DCBLD1: variants seen among roughly 807,000 people sequenced by gnomAD.
The protein encoded by DCBLD1 is discoidin, CUB and LCCL domain-containing protein 1.
DCBLD1 carries 57 observed loss-of-function variants against 71.5 expected under a neutral mutation model. That is an observed-to-expected ratio of 0.80 (90% CI 0.64 to 0.99). The LOEUF (loss-of-function observed/expected upper bound fraction) is 0.99, where lower values mean the gene tolerates loss of function less well. Ranked by LOEUF, DCBLD1 falls within the 50% of genes least tolerant of loss-of-function variation. DCBLD1 has a pLI of 0.00. For synonymous variants in DCBLD1, 380 were observed against 363.8 expected, an observed-to-expected ratio of 1.04 and a Z score of -0.51; for missense variants, 891 against 923.5, an observed-to-expected ratio of 0.96 and a Z score of 0.46.
At chr6:117,545,133 C>T (rs1182423600) in intron 13 of DCBLD1, among the ~76,000 whole-genome samples, 1 of 151,844 alleles carries the variant, frequency 6.6e-6, no homozygotes, top group Non-Finnish European at 1.5e-5. Context: ...ACTCCACCTC[C>T]CCAGGGTCTA....
intron 14 of DCBLD1, chr6:117,569,529 A>C: frequency 1.2e-6 from 2 of 1,603,554 alleles, no homozygotes; most frequent in Non-Finnish European, 1.7e-6. Flanking sequence ...TAGATTCATA[A>C]CCAATTGATA....
rs1349105546 is a variant in DCBLD1 at position 117,569,682 on chromosome 6, G to A, written c.*58G>A. The A allele has an allele frequency of 4.3e-6, 7 of 1,609,894 alleles. No individual in the cohort carries two copies. The South Asian group carries it at 7.8e-5, about 18-fold the overall frequency. ...TGCAGCCCTCCGCATCTATCAGCAG[G>A]TTGCCCCGGATGGATCTCAGAGATG... is the stretch of plus-strand genomic sequence containing the variant. On this transcript the variant is annotated 3_prime_UTR_variant, in exon 15 of 15. Transcript: ENST00000296955.
chr6:117,517,918 A>G (rs1389900107), intron 2 of DCBLD1, among the ~76,000 whole-genome samples: 4 of 152,172 alleles, frequency 2.6e-5, no homozygotes, highest in Non-Finnish European at 5.9e-5. Flanking sequence ...GACCTCTGAC[A>G]TGCCCTGGAG....
intron 14 of DCBLD1, among the ~76,000 whole-genome samples, chr6:117,558,447 A>AT (rs1487365836): frequency 1.2e-4 from 18 of 152,054 alleles, no homozygotes; most frequent in Admixed American, 6.6e-4. Context: ...CAATTTAATA[A>AT]TTTTTTCCAA....
chr6:117,548,066 C>T lies in DCBLD1; in HGVS notation c.1775C>T (p.Pro592Leu), dbSNP rs763829597. 240 of 1,548,838 alleles carry T rather than the reference C, an allele frequency of 1.5e-4. 2 individuals carry two copies. The Admixed American group carries it at 4.7e-3, about 30-fold the overall frequency. The change falls in exon 15 of 15, where the codon CCC (proline) becomes CTC (leucine). Residue 592 changes from proline to leucine, a missense_variant. Transcript: ENST00000338728. ...QRAGRHEYALPLAPPEPEYAT... is the reference protein window; with the variant it reads ...QRAGRHEYALLLAPPEPEYAT... The stretch of plus-strand genomic sequence containing the variant: ...GCCGGCCGCCACGAGTACGCGCTGC[C>T]CCTGGCGCCCCCGGAGCCCGAGTAC...
intron 7 of DCBLD1, among the ~76,000 whole-genome samples, chr6:117,538,035 G>A (rs9374668): frequency 0.12 from 18,051 of 152,186 alleles, 1,333 homozygotes; most frequent in East Asian, 0.22. Flanking sequence ...ATCATGGAAT[G>A]TATTCTATGT....
intron 1 of DCBLD1, among the ~76,000 whole-genome samples, chr6:117,499,372 AT>A (rs1464939456): frequency 6.6e-6 from 1 of 151,766 alleles, no homozygotes; most frequent in Non-Finnish European, 1.5e-5. Flanking sequence ...GTGCCACTGT[AT>A]TCCAGCCTGG....
Position 117,566,865 on chromosome 6 carries a change from T to G in DCBLD1, c.1616-2755T>G, listed in dbSNP as rs777824881. On this transcript the variant is annotated intron_variant, in intron 14 of 14. Coordinates refer to the DCBLD1 transcript ENST00000296955. ...AGAGTGATTTTTACCTTGTAATACT[T>G]TGATTTCCCCACTTGTGTCTTTGCA... is the stretch of plus-strand genomic sequence containing the variant. 3 of 1,569,276 alleles carry G rather than the reference T, an allele frequency of 1.9e-6. No individual in the cohort carries two copies. In the African/African-American group the frequency reaches 4.1e-5, roughly 21 times the overall value.
At chr6:117,517,453 A>C (rs549845119) in intron 2 of DCBLD1, among the ~76,000 whole-genome samples, 1 of 151,978 alleles carries the variant, frequency 6.6e-6, no homozygotes, top group Non-Finnish European at 1.5e-5. Context: ...GGTGCAATGG[A>C]TCTACCATTC....
At chr6:117,494,988 T>G (rs983399835) in intron 1 of DCBLD1, 2 of 152,230 alleles carry the variant, frequency 1.3e-5, no homozygotes, top group Non-Finnish European at 1.5e-5. Flanking sequence ...TTTGAGATGT[T>G]CTGTGGTAAA....
At chr6:117,491,339 A>G (rs1484987195) in intron 1 of DCBLD1, among the ~76,000 whole-genome samples, 1 of 151,952 alleles carries the variant, frequency 6.6e-6, no homozygotes, top group East Asian at 1.9e-4. Context: ...TCCGCCCACC[A>G]TTTTTTTGGG....
chr6:117,519,560 A>G (rs1008499457), intron 2 of DCBLD1, among the ~76,000 whole-genome samples: 4 of 152,152 alleles, frequency 2.6e-5, no homozygotes, highest in Non-Finnish European at 5.9e-5. Context: ...AACAAAACCT[A>G]TCTCTTGGGT....
chr6:117,521,605 A>G, intron 4 of DCBLD1, 29 bp downstream of exon 4: 1 of 1,534,350 alleles, frequency 6.5e-7, no homozygotes, highest in South Asian at 1.2e-5. Context: ...ACTGTGTTGC[A>G]GTCGTGTATT....
In DCBLD1 at chr6:117,548,536, C is replaced by T; in HGVS notation, c.*97C>T. The T allele has an allele frequency of 1.3e-6, 2 of 1,512,518 alleles. No homozygotes were observed. The highest frequency in any genetic ancestry group is 2.1e-5 in the Admixed American group (1 of 47,914). The allele number at this position is 1,512,518 out of a possible 1,614,324, so 93.7% of individuals were successfully genotyped here. ...GCTGGTCCAGAGTGTGCGTGTGTAT[C>T]GGTGTGTGTGTACACTTGCATGTGT... On this transcript the variant is annotated 3_prime_UTR_variant, in exon 15 of 15. Coordinates refer to ENST00000338728, the MANE Select transcript of DCBLD1 (RefSeq NM_001366458.2).
chr6:117,541,069 T>A (rs755275384), intron 11 of DCBLD1, 44 bp downstream of exon 11: 2 of 1,593,736 alleles, frequency 1.3e-6, no homozygotes, highest in South Asian at 2.2e-5. Flanking sequence ...GCATAACTGG[T>A]AACCCACCCA....
rs1244267739 is a variant in DCBLD1, at chr6:117,549,645, C to T, written c.*1206C>T. On this transcript the variant is annotated 3_prime_UTR_variant, in exon 15 of 15. Coordinates refer to ENST00000338728, the MANE Select transcript of DCBLD1 (RefSeq NM_001366458.2). ...TATAACCCTATTTGTGTGGTTATTA[C>T]ATCCTGTGAAATGTATATATGTTAA... The T allele has an allele frequency of 3.0e-6, 3 of 985,186 alleles. No homozygotes were observed. In the African/African-American group the frequency reaches 5.2e-5, roughly 17 times the overall value. The allele number at this position is 985,186 out of a possible 1,614,324, so 61.0% of individuals were successfully genotyped here.
At chr6:117,498,915 G>A (rs1777556518) in intron 1 of DCBLD1, among the ~76,000 whole-genome samples, 1 of 152,022 alleles carries the variant, frequency 6.6e-6, no homozygotes, top group Non-Finnish European at 1.5e-5. Flanking sequence ...CTATTTAAAA[G>A]ATTTTATAAG....
At chr6:117,497,599 T>C (rs931069914) in intron 1 of DCBLD1, among the ~76,000 whole-genome samples, 1 of 152,224 alleles carries the variant, frequency 6.6e-6, no homozygotes, top group Non-Finnish European at 1.5e-5. Flanking sequence ...GAATAGATAC[T>C]GAGTCCATAT....
At chr6:117,507,993 TCAAAA>T (rs1777894845) in intron 2 of DCBLD1, 1 of 152,200 alleles carries the variant, frequency 6.6e-6, no homozygotes, top group Non-Finnish European at 1.5e-5. Flanking sequence ...TTTTTTTCTA[TCAAAA>T]CTGCATTGAT....
Sources: gnomAD v4.1 joint callset for allele counts (sites outside exome capture counted in the v4.1 genomes callset) on GRCh38, gnomAD v4.1.1 for gene constraint, MANE v1.5 for transcripts, NCBI Gene and HGNC (gene_info 2026-07-23, HGNC 2026-07-21) for gene names.